The following GPR34 variants were observed in gnomAD, a reference collection of about 807,000 sequenced individuals.
GPR34 encodes the protein G protein-coupled receptor 34.
GPR34 carries 3 observed loss-of-function variants against 14.1 expected under a neutral mutation model. The observed-to-expected ratio is 0.21, with a 90% confidence interval of 0.10 to 0.55. The LOEUF (loss-of-function observed/expected upper bound fraction) is 0.55. Ranked by LOEUF, GPR34 falls within the 20% of genes least tolerant of loss-of-function variation. GPR34 has a pLI of 0.94. For missense variants in GPR34, 213 were observed against 292.8 expected (o/e 0.73, Z 1.99); for synonymous variants, 99 against 99.9 (o/e 0.99, Z 0.05).
In GPR34 at chrX:41,693,779, T is replaced by G. The variant is rs1021905031; in HGVS notation, c.-79-1776T>G. Among the ~76,000 whole-genome samples, 3 of 111,648 alleles carry G rather than the reference T, an allele frequency of 2.7e-5. No individual in the cohort carries two copies. In the Admixed American group the frequency reaches 2.9e-4, roughly 11 times the overall value. ...GCTCCCTTCCTTTCTCCCTCCACTT[T>G]CCTGAATTCTGGAAACAGGCTCTTA... On this transcript the variant is annotated intron_variant, in intron 2 of 2. Coordinates refer to ENST00000378142, the MANE Select transcript of GPR34 (RefSeq NM_001097579.2).
chrX:41,694,539 T>C (rs1217662349), intron 2 of GPR34, among the ~76,000 whole-genome samples: 3 of 112,399 alleles, frequency 2.7e-5, no homozygotes, highest in African/African-American at 9.7e-5. Flanking sequence ...CTTCGAAGGT[T>C]CTAGCAAGTC....
In GPR34 at chrX:41,695,730, C is replaced by A. The variant is rs771424808; in HGVS notation, c.97C>A (p.Pro33Thr). ...MRFITNHSDQ[P>T]PQNFSATPNV... ...CTTTATAACCAATCATAGCGACCAACCGCCACAAAACTTCTCAGCAACACC... is the reference window on the plus strand; with the variant it reads ...CTTTATAACCAATCATAGCGACCAAACGCCACAAAACTTCTCAGCAACACC... The change falls in exon 3 of 3, where the codon CCG (proline) becomes ACG (threonine). Residue 33 changes from proline to threonine, a missense_variant. Physicochemically the swap from Pro to Thr is conservative, Grantham distance 38. Transcript: ENST00000378142. The A allele has an allele frequency of 8.3e-7, 1 of 1,207,962 alleles. No homozygotes were observed. The highest frequency in any genetic ancestry group is 1.8e-5 in the South Asian group (1 of 56,885).
At chrX:41,692,592 C>T (rs1351287974) in intron 2 of GPR34, among the ~76,000 whole-genome samples, 1 of 112,734 alleles carries the variant, frequency 8.9e-6, no homozygotes, top group African/African-American at 3.2e-5. Context: ...ACCCTTTTCT[C>T]TATGGCTTTG....
rs2067681104 is a variant in GPR34, at chrX:41,695,940, C to T, written c.307C>T (p.Leu103Phe). The part of the protein sequence containing the change: ...LLNVAIADLL[L>F]IFCLPFRIMY... ...TAACGTAGCCATTGCAGACCTCCTA[C>T]TCATCTTCTGCCTCCCTTTCCGAAT... The change falls in exon 3 of 3, where the codon CTC becomes TTC. Residue 103 changes from leucine (L) to phenylalanine (F), a missense_variant. Physicochemically the swap from Leu to Phe is conservative, Grantham distance 22 (BLOSUM62 0). Transcript: ENST00000378142. The T allele has an allele frequency of 1.7e-6, 2 of 1,205,284 alleles. No homozygotes were observed. Among genetic ancestry groups the T allele is most frequent in the Non-Finnish European group, 2.2e-6 (2 of 889,992 alleles).
chrX:41,695,861 C>T lies in GPR34; in HGVS notation c.228C>T (p.Leu76=). Residue 76 remains leucine (L), a synonymous_variant, in exon 3 of 3, where the codon CTC becomes CTT. Coordinates refer to ENST00000378142, the MANE Select transcript of GPR34 (RefSeq NM_001097579.2). The part of the protein sequence containing the change: ...IVGLVGNIIA[L]YVFLGIHRKR... ...GACTGGTTGGGAACATAATCGCCCT[C>T]TATGTATTTCTGGGTATTCACCGTA... 1 of 1,206,137 alleles carries T rather than the reference C, an allele frequency of 8.3e-7. No homozygotes were observed. The highest frequency in any genetic ancestry group is 1.1e-6 in the Non-Finnish European group (1 of 890,388).
At chrX:41,690,299 AAAAC>A (rs1244948199) in intron 2 of GPR34, among the ~76,000 whole-genome samples, 1 of 109,744 alleles carries the variant, frequency 9.1e-6, no homozygotes, top group African/African-American at 3.3e-5. Context: ...AGGAGAAAAA[AAAAC>A]AGTCACCAAG....
intron 2 of GPR34, among the ~76,000 whole-genome samples, chrX:41,692,433 T>A (rs893832565): frequency 8.9e-6 from 1 of 111,980 alleles, no homozygotes; most frequent in African/African-American, 3.2e-5. Context: ...GTCTCAAAAA[T>A]CTCCAGTGGT....
At chrX:41,693,844 C>T (rs2067627140) in intron 2 of GPR34, among the ~76,000 whole-genome samples, 2 of 111,531 alleles carry the variant, frequency 1.8e-5, no homozygotes, top group African/African-American at 3.3e-5. Flanking sequence ...GCCAGTTCCT[C>T]TTCTGTGGAA....
Position 41,689,821 on chromosome X carries a change from A to G in GPR34, c.-94A>G, listed in dbSNP as rs1004677277. The G allele has an allele frequency of 8.9e-6, 1 of 111,967 alleles. No individual in the cohort carries two copies. The highest frequency in any genetic ancestry group is 3.2e-5 in the African/African-American group (1 of 30,819). 9.2% of individuals were successfully genotyped at this position (111,967 alleles called of 1,213,427 possible). ...AAACTAAAAACGGTGAAAGGTTGCG[A>G]CTATTACCAAATAGGTATGTATTTC... On this transcript the variant is annotated 5_prime_UTR_variant, in exon 2 of 3. Coordinates refer to ENST00000378142, the MANE Select transcript of GPR34 (RefSeq NM_001097579.2).
chrX:41,691,473 T>C (rs920508292), intron 2 of GPR34, among the ~76,000 whole-genome samples: 2 of 111,576 alleles, frequency 1.8e-5, no homozygotes, highest in Admixed American at 9.5e-5. Flanking sequence ...AAGAAAATGC[T>C]GACCCTATGT....
In GPR34 at chrX:41,696,954, G is replaced by A; in HGVS notation, c.*175G>A. 2.9e-6 allele frequency: 1 copy of A among 339,096 alleles called. No homozygotes were observed. Among genetic ancestry groups the A allele is most frequent in the Non-Finnish European group, 5.3e-6 (1 of 189,842 alleles). 27.9% of individuals were successfully genotyped at this position (339,096 alleles called of 1,213,427 possible). A position where few individuals can be genotyped will look rare whatever the true frequency, so the allele number is the denominator to read the frequency against. On this transcript the variant is annotated 3_prime_UTR_variant, in exon 3 of 3. Transcript: ENST00000378142. Reference sequence around the variant, plus strand: ...TTTCAAGGTACTAACTTTTAAATCTGTATGTAAAATCTTTTCAAAATACAT... The same window carrying A: ...TTTCAAGGTACTAACTTTTAAATCTATATGTAAAATCTTTTCAAAATACAT...
At chrX:41,693,172 T>C in intron 2 of GPR34, among the ~76,000 whole-genome samples, 1 of 111,612 alleles carries the variant, frequency 9.0e-6, no homozygotes, top group Non-Finnish European at 1.9e-5. Context: ...CTCAATTCCC[T>C]GAACCTATGA....
intron 2 of GPR34, 94 bp from the exon 3 acceptor site, chrX:41,695,461 G>A (rs779527135): frequency 6.6e-4 from 284 of 427,123 alleles, no homozygotes; most frequent in South Asian, 1.4e-3. Flanking sequence ...GACCATAGGC[G>A]TGTGCTGGGA....
rs112487548 is a variant in GPR34, at chrX:41,689,029, T to A, written c.-228T>A. 1 of 111,219 alleles carries A rather than the reference T, an allele frequency of 9.0e-6. No individual in the cohort carries two copies. The highest frequency in any genetic ancestry group is 9.6e-5 in the Admixed American group (1 of 10,416). The allele number at this position is 111,219 out of a possible 1,213,427, so 9.2% of individuals were successfully genotyped here. ...CCAGCTGACACAACCAAGACGAGTCTCAGTGTCTAGGGAAGCTTGGGGTTC... is the reference window on the plus strand; with the variant it reads ...CCAGCTGACACAACCAAGACGAGTCACAGTGTCTAGGGAAGCTTGGGGTTC... On this transcript the variant is annotated 5_prime_UTR_variant, in exon 1 of 3. Coordinates refer to ENST00000378142, the MANE Select transcript of GPR34 (RefSeq NM_001097579.2).
At position 41,689,841 on chromosome X, in the gene GPR34, T is replaced by G. The variant is rs2067510110; in HGVS notation, c.-80+6T>G. ...TTGCGACTATTACCAAATAGGTATG[T>G]ATTTCAACATAGCAATGTGATATTT... On this transcript the variant is annotated splice_donor_region_variant and intron_variant, in intron 2 of 2. Coordinates refer to ENST00000378142, the MANE Select transcript of GPR34 (RefSeq NM_001097579.2). 8.9e-6 allele frequency: 1 copy of G among 111,880 alleles called. No individual in the cohort carries two copies. The highest frequency in any genetic ancestry group is 3.2e-5 in the African/African-American group (1 of 30,773). The allele number at this position is 111,880 out of a possible 1,213,427, so 9.2% of individuals were successfully genotyped here. A position where few individuals can be genotyped will look rare whatever the true frequency, so the allele number is the denominator to read the frequency against.
rs200776817 is a variant in GPR34, at chrX:41,695,916, A to C, written c.283A>C (p.Asn95His). The C allele has an allele frequency of 1.2e-5, 14 of 1,206,582 alleles. No homozygotes were observed. Among genetic ancestry groups the C allele is most frequent in the Non-Finnish European group, 1.3e-5 (12 of 892,424 alleles). Reference protein sequence around the residue: ...KRNSIQIYLLNVAIADLLLIF... With the variant: ...KRNSIQIYLLHVAIADLLLIF... ...AAATTCCATTCAAATTTATCTACTT[A>C]ACGTAGCCATTGCAGACCTCCTACT... Residue 95 changes from asparagine (N) to histidine (H), a missense_variant, in exon 3 of 3, where the codon AAC becomes CAC. Coordinates refer to ENST00000378142, the MANE Select transcript of GPR34 (RefSeq NM_001097579.2).
Position 41,696,128 on chromosome X carries a change from A to T in GPR34, c.495A>T (p.Ala165=). Reference sequence around the variant, plus strand: ...ATCGGTCTATACAGCAACGGAAGGCAATAACAACCAAACAAAGTATTTATG... The same window carrying T: ...ATCGGTCTATACAGCAACGGAAGGCTATAACAACCAAACAAAGTATTTATG... ...KINRSIQQRK[A]ITTKQSIYVC... The change falls in exon 3 of 3, where the codon GCA becomes GCT. Residue 165 remains alanine, a synonymous_variant. Coordinates refer to ENST00000378142, the MANE Select transcript of GPR34 (RefSeq NM_001097579.2). 1 of 1,207,726 alleles carries T rather than the reference A, an allele frequency of 8.3e-7. No homozygotes were observed. The highest frequency in any genetic ancestry group is 1.1e-6 in the Non-Finnish European group (1 of 892,657).
At position 41,695,645 on chromosome X, in the gene GPR34, T is replaced by C; in HGVS notation, c.12T>C (p.His4=). MRS[H]TITMTTTSVS... ...CTCCACAGAAGACAATGAGAAGTCA[T>C]ACCATAACAATGACGACAACTTCAG... The change falls in exon 3 of 3, where the codon CAT becomes CAC. Residue 4 remains histidine (H), a synonymous_variant. Transcript: ENST00000378142. The C allele has an allele frequency of 1.7e-6, 2 of 1,192,337 alleles. No individual in the cohort carries two copies. The highest frequency in any genetic ancestry group is 2.3e-6 in the Non-Finnish European group (2 of 880,754).
chrX:41,693,577 G>A (rs1338969149), intron 2 of GPR34, among the ~76,000 whole-genome samples: 1 of 112,119 alleles, frequency 8.9e-6, no homozygotes, highest in Non-Finnish European at 1.9e-5. Flanking sequence ...TCACGCCATT[G>A]CACTCTAGCC....
Sources: allele counts gnomAD v4.1 joint callset (sites outside exome capture counted in the v4.1 genomes callset), GRCh38; gene constraint gnomAD v4.1.1; transcripts MANE v1.5; gene names NCBI Gene and HGNC (gene_info 2026-07-23, HGNC 2026-07-21).